Variants in ANKRD55 observed in about 807,000 individuals in gnomAD.
The protein encoded by ANKRD55 is ankyrin repeat domain-containing protein 55.
Under a neutral mutation model 60.6 loss-of-function variants are expected in ANKRD55, and 41 were observed. That is an observed-to-expected ratio of 0.68 (90% CI 0.53 to 0.88). ANKRD55 has a LOEUF of 0.88. ANKRD55 is among the 40% of genes least tolerant of loss of function. The probability of loss-of-function intolerance (pLI) is 0.00; values close to 1 mark genes in which losing one functional copy is unlikely to be tolerated. For missense variants in ANKRD55, 732 were observed against 767.6 expected (o/e 0.95, Z 0.55); for synonymous variants, 264 against 290.3 (o/e 0.91, Z 0.92).
intron 6 of ANKRD55, among the ~76,000 whole-genome samples, chr5:56,151,150 A>C (rs1758032762): frequency 6.6e-6 from 1 of 152,102 alleles, no homozygotes; most frequent in Non-Finnish European, 1.5e-5. Context: ...GAGTCACTGC[A>C]CCCAGCCTAA....
At chr5:56,156,693 C>T (rs1165370085) in intron 6 of ANKRD55, among the ~76,000 whole-genome samples, 2 of 152,196 alleles carry the variant, frequency 1.3e-5, no homozygotes, top group Admixed American at 1.3e-4. Flanking sequence ...TGGACTCCGC[C>T]ACTCCAGCTC....
Position 56,167,944 on chromosome 5 carries a change from T to C in ANKRD55, c.422+2750A>G, listed in dbSNP as rs149261948. 3.9e-4 allele frequency among the ~76,000 whole-genome samples: 60 copies of C among 152,330 alleles called. 2 individuals are homozygous for C. In the East Asian group the frequency reaches 8.3e-3, roughly 21 times the overall value. On this transcript the variant is annotated intron_variant, in intron 5 of 11. Transcript: ENST00000341048. ...ACCTAATCAACTGATCCAATTGACA[T>C]TGAATGTAATTTTGACTGACAAGGC...
At chr5:56,184,734 C>T (rs1381132176) in intron 2 of ANKRD55, among the ~76,000 whole-genome samples, 1 of 151,722 alleles carries the variant, frequency 6.6e-6, no homozygotes, top group Non-Finnish European at 1.5e-5. Context: ...CCTCTCTCTA[C>T]AAAAAATTTA....
At chr5:56,168,837 T>C (rs1758544478) in intron 5 of ANKRD55, among the ~76,000 whole-genome samples, 1 of 152,202 alleles carries the variant, frequency 6.6e-6, no homozygotes, top group African/African-American at 2.4e-5. Context: ...CCCCCCTACA[T>C]TGGATGGTTA....
At chr5:56,121,531 C>T (rs1466306041) in intron 8 of ANKRD55, among the ~76,000 whole-genome samples, 1 of 152,016 alleles carries the variant, frequency 6.6e-6, no homozygotes, top group East Asian at 1.9e-4. Flanking sequence ...CGCCACCACA[C>T]CCAGCTAATT....
At chr5:56,114,013 T>C (rs1016652197) in intron 9 of ANKRD55, among the ~76,000 whole-genome samples, 35 of 123,870 alleles carry the variant, frequency 2.8e-4, no homozygotes, top group African/African-American at 9.7e-4. Flanking sequence ...TATATATATA[T>C]ATACAATAAA....
intron 6 of ANKRD55, among the ~76,000 whole-genome samples, chr5:56,153,336 A>G (rs2111779787): frequency 6.6e-6 from 1 of 152,318 alleles, no homozygotes; most frequent in African/African-American, 2.4e-5. Context: ...TGTATTAAAA[A>G]TAAAAACATA....
intron 2 of ANKRD55, among the ~76,000 whole-genome samples, chr5:56,201,281 C>T (rs1489135930): frequency 6.6e-6 from 1 of 152,196 alleles, no homozygotes; most frequent in South Asian, 2.1e-4. Context: ...CACTGCACCA[C>T]GATGGCTTCA....
At chr5:56,116,559 C>T in intron 9 of ANKRD55, 56 bp downstream of exon 9, 4 of 1,365,646 alleles carry the variant, frequency 2.9e-6, no homozygotes, top group South Asian at 2.2e-5. Flanking sequence ...ACATTTCATC[C>T]AAATTTATAA....
chr5:56,167,284 A>G (rs1202277475), intron 5 of ANKRD55, among the ~76,000 whole-genome samples: 1 of 152,252 alleles, frequency 6.6e-6, no homozygotes, highest in Admixed American at 6.5e-5. Flanking sequence ...CTTCTAGGCT[A>G]CAAATATGCA....
chr5:56,110,227 T>G (rs2111671965), intron 10 of ANKRD55, among the ~76,000 whole-genome samples: 2 of 122,530 alleles, frequency 1.6e-5, no homozygotes. Context: ...TGAAACTCCA[T>G]CTCTACAAAA....
At chr5:56,127,399 A>G in intron 7 of ANKRD55, 1 of 985,114 alleles carries the variant, frequency 1.0e-6, no homozygotes, top group East Asian at 1.1e-4. Flanking sequence ...GGTGCAATGG[A>G]CTGACGTCAG....
intron 6 of ANKRD55, among the ~76,000 whole-genome samples, chr5:56,152,111 C>T (rs1251489368): frequency 2.9e-5 from 1 of 34,326 alleles, no homozygotes; most frequent in Non-Finnish European, 6.6e-5. Context: ...AGTGGTGACC[C>T]TACTCCATTT....
intron 10 of ANKRD55, among the ~76,000 whole-genome samples, chr5:56,103,083 T>A (rs1417249091): frequency 1.3e-5 from 2 of 152,226 alleles, no homozygotes; most frequent in Non-Finnish European, 2.9e-5. Flanking sequence ...TGGGGCATGG[T>A]GTCAGCTGTT....
chr5:56,232,631 C>T (rs558425864), intron 2 of ANKRD55, among the ~76,000 whole-genome samples: 1 of 152,212 alleles, frequency 6.6e-6, no homozygotes, highest in Admixed American at 6.5e-5. Context: ...GCTTATTTTT[C>T]TGTTTCAGAT....
chr5:56,127,929 G>T (rs890436512), intron 7 of ANKRD55, among the ~76,000 whole-genome samples: 6 of 152,020 alleles, frequency 3.9e-5, no homozygotes, highest in African/African-American at 1.4e-4. Context: ...TTGACCCATT[G>T]TTTATATTCT....
chr5:56,141,130 G>GTTTTTTTTTTT (rs33972955), intron 7 of ANKRD55, among the ~76,000 whole-genome samples: 3 of 111,774 alleles, frequency 2.7e-5, no homozygotes, highest in Non-Finnish European at 3.5e-5. Flanking sequence ...TGCACACACA[G>GTTTTTTTTTTT]TTTTTTTTTT....
chr5:56,202,107 A>G (rs958763720), intron 2 of ANKRD55, among the ~76,000 whole-genome samples: 4 of 152,336 alleles, frequency 2.6e-5, no homozygotes, highest in African/African-American at 4.8e-5. Flanking sequence ...GAACACATGG[A>G]CACATGGAGA....
intron 2 of ANKRD55, among the ~76,000 whole-genome samples, chr5:56,226,837 A>C (rs896014524): frequency 1.2e-4 from 18 of 152,200 alleles, no homozygotes; most frequent in Non-Finnish European, 2.2e-4. Context: ...GTCAGGAAAC[A>C]ACAGGTGCTG....
Sources: gnomAD v4.1 joint callset for allele counts (sites outside exome capture counted in the v4.1 genomes callset) on GRCh38, gnomAD v4.1.1 for gene constraint, MANE v1.5 for transcripts, NCBI Gene and HGNC (gene_info 2026-07-23, HGNC 2026-07-21) for gene names.